SPG7: variants seen among roughly 807,000 people sequenced by gnomAD.
The protein encoded by SPG7 is SPG7 matrix AAA peptidase subunit, paraplegin.
A neutral mutation model predicts 81.9 loss-of-function variants in SPG7; 103 were observed. That is an observed-to-expected ratio of 1.26 (90% CI 1.07 to 1.48). SPG7 has a LOEUF of 1.48. SPG7 is among the 40% of genes most tolerant of loss of function. SPG7 has a pLI of 0.00. For synonymous variants in SPG7, 534 were observed against 444.2 expected, an observed-to-expected ratio of 1.20 and a Z score of -2.54; for missense variants, 1,241 against 1,087.3, an observed-to-expected ratio of 1.14 and a Z score of -1.99.
At chr16:89,556,112 G>A (rs1424184990) in intron 16 of SPG7, 5 of 398,700 alleles carry the variant, frequency 1.3e-5, no homozygotes, top group Non-Finnish European at 8.8e-6. Flanking sequence ...GCTGAGGAGT[G>A]GTGTGTCTGC....
chr16:89,557,085 C>G lies in SPG7; in HGVS notation c.2380C>G (p.Pro794Ala). The G allele has an allele frequency of 6.2e-7, 1 of 1,611,130 alleles. No individual in the cohort carries two copies. Among genetic ancestry groups the G allele is most frequent in the Non-Finnish European group, 8.5e-7 (1 of 1,179,776 alleles). Residue 794 changes from proline (P) to alanine (A), a missense_variant, in exon 17 of 17, where the codon CCC (proline) becomes GCC (alanine). Physicochemically the swap from Pro to Ala is conservative, Grantham distance 27 (BLOSUM62 -1). Transcript: ENST00000645818. ...ACTTGGAGGCGAAGAGCCGACTTGGCCCAAGTAGTTGGGAGGTGTTGGCTG... is the reference window on the plus strand; with the variant it reads ...ACTTGGAGGCGAAGAGCCGACTTGGGCCAAGTAGTTGGGAGGTGTTGGCTG... ...PPLGGEEPTWPK is the reference protein window; with the variant it reads ...PPLGGEEPTWAK
chr16:89,529,739 G>T, intron 6 of SPG7, 160 bp downstream of exon 6: 1 of 695,790 alleles, frequency 1.4e-6, no homozygotes. Flanking sequence ...CCATGGTCCG[G>T]CTGTAAGGCG....
chr16:89,557,127 G>C lies in SPG7; in HGVS notation c.*34G>C. On this transcript the variant is annotated 3_prime_UTR_variant, in exon 17 of 17. Transcript: ENST00000645818. ...TGTTGGCTGCACGTGCGGGTGGTCCGGGAAGTGAGGGCTCACTCAGCCACC... is the reference window on the plus strand; with the variant it reads ...TGTTGGCTGCACGTGCGGGTGGTCCCGGAAGTGAGGGCTCACTCAGCCACC... The C allele has an allele frequency of 6.4e-7, 1 of 1,558,138 alleles. No individual in the cohort carries two copies. Among genetic ancestry groups the C allele is most frequent in the Non-Finnish European group, 8.8e-7 (1 of 1,134,432 alleles).
chr16:89,544,860 T>C (rs1014527531), intron 10 of SPG7, 88 bp downstream of exon 10: 15 of 1,525,490 alleles, frequency 9.8e-6, no homozygotes, highest in Non-Finnish European at 1.2e-5. Flanking sequence ...AAGACACTTC[T>C]TGGTGTGAAG....
At position 89,525,745 on chromosome 16, in the gene SPG7, G is replaced by C. The variant is rs538567392; in HGVS notation, c.619-584G>C. On this transcript the variant is annotated intron_variant, in intron 4 of 16. Coordinates refer to ENST00000645818, the MANE Select transcript of SPG7 (RefSeq NM_003119.4). ...GGGATGAACAGTCTCAGGTTTTGTG[G>C]TTAAACATGAACCCTCTGTGGCCGC... Among the ~76,000 whole-genome samples, 131 of 152,240 alleles carry C rather than the reference G, an allele frequency of 8.6e-4. 2 individuals carry two copies. In the South Asian group the frequency reaches 0.01, roughly 12 times the overall value.
intron 14 of SPG7, 165 bp from the exon 15 acceptor site, chr16:89,553,629 A>G (rs1428424522): frequency 3.1e-6 from 2 of 646,212 alleles, no homozygotes; most frequent in Non-Finnish European, 5.4e-6. Flanking sequence ...CTTAAGGAAC[A>G]GTGGTGAGGT....
At chr16:89,542,479 C>T (rs1308218449) in intron 9 of SPG7, among the ~76,000 whole-genome samples, 5 of 152,220 alleles carry the variant, frequency 3.3e-5, no homozygotes, top group Non-Finnish European at 2.9e-5. Flanking sequence ...TGATTCTCTT[C>T]TGTGATCTCC....
chr16:89,513,687 G>C (rs1305807869), intron 3 of SPG7, among the ~76,000 whole-genome samples: 2 of 152,128 alleles, frequency 1.3e-5, no homozygotes, highest in African/African-American at 2.4e-5. Flanking sequence ...GCCCCAGGGG[G>C]CAGAAGGGTT....
At position 89,508,490 on chromosome 16, in the gene SPG7, C is replaced by G. The variant is rs1379498694; in HGVS notation, c.73C>G (p.Pro25Ala). 1 of 1,510,740 alleles carries G rather than the reference C, an allele frequency of 6.6e-7. No individual in the cohort carries two copies. 93.6% of individuals were successfully genotyped at this position (1,510,740 alleles called of 1,614,324 possible). A position where few individuals can be genotyped will look rare whatever the true frequency, so the allele number is the denominator to read the frequency against. ...PGPGPRPLWG[P>A]GPAWSPGFPA... Reference sequence around the variant, plus strand: ...CCCGGGTCCTCGGCCGCTGTGGGGCCCAGGCCCGGCCTGGAGTCCAGGGTT... The same window carrying G: ...CCCGGGTCCTCGGCCGCTGTGGGGCGCAGGCCCGGCCTGGAGTCCAGGGTT... Residue 25 changes from proline to alanine, a missense_variant, in exon 1 of 17, where the codon CCA (proline) becomes GCA (alanine). Transcript: ENST00000645818.
At chr16:89,529,395 C>T in intron 5 of SPG7, 82 bp from the exon 6 acceptor site, 1 of 859,468 alleles carries the variant, frequency 1.2e-6, no homozygotes, top group Non-Finnish European at 1.9e-6. Context: ...GGAAACATTG[C>T]CAGCAGTGGT....
intron 9 of SPG7, chr16:89,540,979 T>A (rs1020176608): frequency 2.0e-6 from 2 of 985,472 alleles, no homozygotes; most frequent in Non-Finnish European, 2.4e-6. Context: ...GAAACTGGTG[T>A]ATCCTTATCA....
chr16:89,512,895 C>A, intron 2 of SPG7, 53 bp from the exon 3 acceptor site: 1 of 1,604,274 alleles, frequency 6.2e-7, no homozygotes, highest in Non-Finnish European at 8.5e-7. Context: ...TCCTGTATGC[C>A]TCCCCTGTGG....
chr16:89,536,681 G>A (rs994415524), intron 9 of SPG7: 8 of 1,547,146 alleles, frequency 5.2e-6, no homozygotes, highest in East Asian at 2.2e-5. Context: ...GATCGGGCGA[G>A]GCGGGCGGCT....
intron 16 of SPG7, chr16:89,555,778 AACTC>A (rs1197724100): frequency 1.3e-5 from 5 of 398,162 alleles, no homozygotes; most frequent in Non-Finnish European, 2.2e-5. Context: ...TGCTGCTTAG[AACTC>A]AGGAGAGGTG....
At chr16:89,519,454 C>G (rs2058154829) in intron 3 of SPG7, 1 of 152,008 alleles carries the variant, frequency 6.6e-6, no homozygotes. Flanking sequence ...GATCTCAGCT[C>G]ACCGCAACCT....
At chr16:89,556,807 G>A (rs942708132) in intron 16 of SPG7, 80 bp from the exon 17 acceptor site, 38 of 1,141,782 alleles carry the variant, frequency 3.3e-5, no homozygotes, top group African/African-American at 9.1e-5. Context: ...AGGCCCTCAC[G>A]CCTCTTGCCA....
rs780776019 is a variant in SPG7 at position 89,557,338 on chromosome 16, G to T, written c.*245G>T. ...ATGGGGAAGGTTATCAGTGCTTCCCGAGTGAGCATGGAACACTTCGAGTTC... is the reference window on the plus strand; with the variant it reads ...ATGGGGAAGGTTATCAGTGCTTCCCTAGTGAGCATGGAACACTTCGAGTTC... On this transcript the variant is annotated 3_prime_UTR_variant, in exon 17 of 17. Coordinates refer to ENST00000645818, the MANE Select transcript of SPG7 (RefSeq NM_003119.4). The T allele has an allele frequency of 3.5e-5, 19 of 545,188 alleles. No homozygotes were observed. The highest frequency in any genetic ancestry group is 5.9e-5 in the Non-Finnish European group (18 of 302,608). 33.8% of individuals were successfully genotyped at this position (545,188 alleles called of 1,614,324 possible). A position where few individuals can be genotyped will look rare whatever the true frequency, so the allele number is the denominator to read the frequency against.
chr16:89,546,417 C>T (rs965524668), intron 10 of SPG7: 2 of 483,782 alleles, frequency 4.1e-6, no homozygotes, highest in Admixed American at 2.8e-5. Context: ...GTGGCTCACG[C>T]CTGTAACCCC....
At position 89,557,118 on chromosome 16, in the gene SPG7, G is replaced by A. The variant is rs778453244; in HGVS notation, c.*25G>A. On this transcript the variant is annotated 3_prime_UTR_variant, in exon 17 of 17. Transcript: ENST00000645818. ...GTTGGGAGGTGTTGGCTGCACGTGC[G>A]GGTGGTCCGGGAAGTGAGGGCTCAC... is the stretch of plus-strand genomic sequence containing the variant. 35 of 1,596,776 alleles carry A rather than the reference G, an allele frequency of 2.2e-5. No homozygotes were observed. Among genetic ancestry groups the A allele is most frequent in the South Asian group, 3.3e-5 (3 of 90,538 alleles).
Sources: gnomAD v4.1 joint callset for allele counts (sites outside exome capture counted in the v4.1 genomes callset) on GRCh38, gnomAD v4.1.1 for gene constraint, MANE v1.5 for transcripts, NCBI Gene and HGNC (gene_info 2026-07-23, HGNC 2026-07-21) for gene names.